The following SYN3 variants were observed in gnomAD, a reference collection of about 807,000 sequenced individuals.
SYN3 encodes synapsin III, also known as synapsin-3.
In SYN3, 35 loss-of-function variants were observed where a neutral mutation model predicts 65.8. The ratio of observed to expected loss-of-function variants is 0.53; its 90% CI spans 0.41 to 0.70. SYN3 has a LOEUF of 0.70. Ranked by LOEUF, SYN3 falls within the 30% of genes least tolerant of loss-of-function variation. The pLI is 0.00. For missense variants in SYN3, 680 were observed against 749.0 expected (o/e 0.91, Z 1.08); for synonymous variants, 270 against 292.9 (o/e 0.92, Z 0.80).
At chr22:32,695,378 T>G (rs2060721821) in intron 6 of SYN3, among the ~76,000 whole-genome samples, 1 of 152,244 alleles carries the variant, frequency 6.6e-6, no homozygotes, top group Admixed American at 6.5e-5. Context: ...TCTTGTCTGC[T>G]TGTTTGTAGT....
chr22:33,035,588 T>C (rs1402456640), intron 1 of SYN3, among the ~76,000 whole-genome samples: 1 of 152,164 alleles, frequency 6.6e-6, no homozygotes, highest in Non-Finnish European at 1.5e-5. Flanking sequence ...AAGGTCTTTA[T>C]TTTTATTTGA....
In SYN3 at chr22:32,596,862, C is replaced by T. The variant is rs1033124918; in HGVS notation, c.712-126G>A. On this transcript the variant is annotated intron_variant, in intron 6 of 13. Transcript: ENST00000358763. ...GTCGGGAATCCCCACAAGAATGCTTCGACAGATGGTCACCCAGCCATGGCC... is the reference window on the plus strand; with the variant it reads ...GTCGGGAATCCCCACAAGAATGCTTTGACAGATGGTCACCCAGCCATGGCC... 74 of 951,988 alleles carry T rather than the reference C, an allele frequency of 7.8e-5. 2 individuals carry two copies. In the South Asian group the frequency reaches 8.3e-4, roughly 11 times the overall value. 59.0% of individuals were successfully genotyped at this position (951,988 alleles called of 1,614,324 possible). A position where few individuals can be genotyped will look rare whatever the true frequency, so the allele number is the denominator to read the frequency against.
At chr22:32,875,225 C>T (rs1406212190) in intron 4 of SYN3, among the ~76,000 whole-genome samples, 2 of 152,182 alleles carry the variant, frequency 1.3e-5, no homozygotes, top group East Asian at 1.9e-4. Flanking sequence ...CAGATGCACA[C>T]CGGTGGAGAA....
At chr22:32,795,524 G>A (rs2046410052) in intron 6 of SYN3, among the ~76,000 whole-genome samples, 1 of 152,222 alleles carries the variant, frequency 6.6e-6, no homozygotes, top group Non-Finnish European at 1.5e-5. Flanking sequence ...TTGGGCAGGA[G>A]GAAGTTGGAG....
intron 6 of SYN3, among the ~76,000 whole-genome samples, chr22:32,802,546 G>A (rs927166013): frequency 1.3e-5 from 2 of 151,700 alleles, no homozygotes; most frequent in African/African-American, 2.4e-5. Flanking sequence ...CCATGTGCAC[G>A]GAAAGTTGCA....
intron 4 of SYN3, among the ~76,000 whole-genome samples, chr22:32,924,475 G>A (rs908969199): frequency 5.3e-5 from 8 of 152,162 alleles, no homozygotes; most frequent in Non-Finnish European, 1.0e-4. Context: ...TACTCAAAAT[G>A]TGATCTTCCA....
intron 3 of SYN3, among the ~76,000 whole-genome samples, chr22:32,948,301 A>G (rs564574130): frequency 6.6e-6 from 1 of 152,288 alleles, no homozygotes; most frequent in East Asian, 1.9e-4. Context: ...TAGGGCATAG[A>G]CACTGTAGCG....
chr22:32,805,401 C>T (rs1380134547), intron 6 of SYN3, among the ~76,000 whole-genome samples: 1 of 152,196 alleles, frequency 6.6e-6, no homozygotes, highest in Non-Finnish European at 1.5e-5. Context: ...CCCTCTTACA[C>T]ACAATTACAC....
intron 6 of SYN3, among the ~76,000 whole-genome samples, chr22:32,715,640 C>A (rs1601967237): frequency 6.6e-6 from 1 of 152,098 alleles, no homozygotes; most frequent in Non-Finnish European, 1.5e-5. Flanking sequence ...ATTAGCCAAG[C>A]ATGGTGGCGG....
chr22:32,527,937 C>A lies in SYN3; in HGVS notation c.1299G>T (p.Gln433His). 1 of 1,589,956 alleles carries A rather than the reference C, an allele frequency of 6.3e-7. No homozygotes were observed. Among genetic ancestry groups the A allele is most frequent in the Non-Finnish European group, 8.6e-7 (1 of 1,167,004 alleles). Residue 433 changes from glutamine to histidine, a missense_variant, in exon 12 of 14, where the codon CAG (glutamine) becomes CAT (histidine). Transcript: ENST00000358763. ...AQLGPQLGQPQPRPPPQGGPR... is the reference protein window; with the variant it reads ...AQLGPQLGQPHPRPPPQGGPR... ...TCATACCTTGCGGAGGTGGGCGTGG[C>A]TGGGGCTGGCCTAGCTGAGGCCCCA...
At chr22:32,600,157 G>T (rs2059261043) in intron 6 of SYN3, among the ~76,000 whole-genome samples, 1 of 152,118 alleles carries the variant, frequency 6.6e-6, no homozygotes, top group Non-Finnish European at 1.5e-5. Context: ...GGATTAGTGG[G>T]AGCCCTGAGC....
chr22:32,838,680 C>T (rs561156779), intron 6 of SYN3, among the ~76,000 whole-genome samples: 1 of 152,146 alleles, frequency 6.6e-6, no homozygotes, highest in Admixed American at 6.5e-5. Context: ...TTTTACTTGT[C>T]CCTTCCTTTT....
chr22:32,531,875 A>AT (rs1365339357), intron 10 of SYN3, among the ~76,000 whole-genome samples: 71 of 63,958 alleles, frequency 1.1e-3, no homozygotes, highest in African/African-American at 4.2e-3. Flanking sequence ...TTGTTTTCTT[A>AT]TTTTTTGAAG....
chr22:33,031,354 T>C (rs1296662933), intron 1 of SYN3, among the ~76,000 whole-genome samples: 1 of 152,064 alleles, frequency 6.6e-6, no homozygotes, highest in Non-Finnish European at 1.5e-5. Flanking sequence ...GTAGGAGTCT[T>C]CTAGGATTCC....
chr22:32,689,379 C>T (rs1445542009), intron 6 of SYN3, among the ~76,000 whole-genome samples: 1 of 152,214 alleles, frequency 6.6e-6, no homozygotes, highest in African/African-American at 2.4e-5. Context: ...TTCGTTGCTG[C>T]ATCTGTAAAA....
intron 6 of SYN3, among the ~76,000 whole-genome samples, chr22:32,739,850 C>G (rs190688600): frequency 8.0e-4 from 122 of 152,326 alleles, no homozygotes; most frequent in African/African-American, 2.9e-3. Flanking sequence ...GTAGCTGGCT[C>G]TAATGCCAGT....
intron 6 of SYN3, among the ~76,000 whole-genome samples, chr22:32,790,065 T>C (rs1325941316): frequency 2.0e-5 from 3 of 152,238 alleles, no homozygotes; most frequent in Non-Finnish European, 2.9e-5. Context: ...GGCACAAGAA[T>C]GTTAAGTTAC....
intron 6 of SYN3, among the ~76,000 whole-genome samples, chr22:32,665,806 C>A (rs1601873087): frequency 6.6e-6 from 1 of 152,074 alleles, no homozygotes; most frequent in East Asian, 1.9e-4. Context: ...CCTTTAGTAA[C>A]CTCATGTAGC....
At chr22:32,580,664 T>C (rs1216116467) in intron 7 of SYN3, among the ~76,000 whole-genome samples, 1 of 152,158 alleles carries the variant, frequency 6.6e-6, no homozygotes, top group African/African-American at 2.4e-5. Context: ...GGGAACATGA[T>C]ATGAAATTCA....
Sources: allele counts gnomAD v4.1 joint callset (sites outside exome capture counted in the v4.1 genomes callset), GRCh38; gene constraint gnomAD v4.1.1; transcripts MANE v1.5; gene names NCBI Gene and HGNC (gene_info 2026-07-23, HGNC 2026-07-21).